The following SGIP1 variants were observed in gnomAD, a reference collection of about 807,000 sequenced individuals.
The protein encoded by SGIP1 is SH3-containing GRB2-like protein 3-interacting protein 1.
SGIP1 carries 38 observed loss-of-function variants against 107.5 expected under a neutral mutation model. The observed-to-expected ratio is 0.35, with a 90% CI of 0.27 to 0.46. SGIP1 has a LOEUF of 0.46. Among genes scored for constraint, SGIP1 ranks in the 20% least tolerant of loss-of-function variants. SGIP1 has a pLI of 1.00. For missense variants in SGIP1, 929 were observed against 1,019.5 expected, an observed-to-expected ratio of 0.91 and a Z score of 1.21; for synonymous variants, 365 against 366.1, an observed-to-expected ratio of 1.00 and a Z score of 0.03.
At chr1:66,591,233 C>T (rs1424791994) in intron 1 of SGIP1, among the ~76,000 whole-genome samples, 2 of 152,150 alleles carry the variant, frequency 1.3e-5, no homozygotes, top group South Asian at 2.1e-4. Context: ...ACCAACAATG[C>T]CATATTCCTG....
chr1:66,729,396 G>A lies in SGIP1; in HGVS notation c.1875G>A (p.Leu625=), dbSNP rs1286483075. 6.2e-7 allele frequency: 1 copy of A among 1,614,022 alleles called. No homozygotes were observed. The highest frequency in any genetic ancestry group is 2.2e-5 in the East Asian group (1 of 44,862). ...ATTTCAGCAGGTTAGAACACGTCCT[G>A]CCAAACCCCCAACTTCTCTGCTGGT... ...VINFSRLEHV[L]PNPQLLCCDN... Residue 625 remains leucine (L), a synonymous_variant, in exon 20 of 25, where the codon CTG becomes CTA. Transcript: ENST00000371037.
At chr1:66,660,896 G>T (rs550103211) in intron 8 of SGIP1, among the ~76,000 whole-genome samples, 3 of 152,266 alleles carry the variant, frequency 2.0e-5, no homozygotes, top group Admixed American at 2.0e-4. Context: ...GTTAATTTTT[G>T]ATTAGCGTAC....
At chr1:66,741,838 A>G (rs548129101) in intron 24 of SGIP1, among the ~76,000 whole-genome samples, 124 of 150,174 alleles carry the variant, frequency 8.3e-4, no homozygotes, top group African/African-American at 3.0e-3. Flanking sequence ...CGCGATCTCT[A>G]CTCACTGCAA....
chr1:66,633,973 G>A, intron 3 of SGIP1: 1 of 914,254 alleles, frequency 1.1e-6, no homozygotes, highest in Non-Finnish European at 1.7e-6. Context: ...AAGGTTCTTA[G>A]CTTTGGGGCG....
chr1:66,671,967 C>G lies in SGIP1; in HGVS notation c.532C>G (p.Arg178Gly), dbSNP rs561284431. The G allele has an allele frequency of 1.9e-6, 3 of 1,613,998 alleles. No individual in the cohort carries two copies. In the South Asian group the frequency reaches 3.3e-5, roughly 18 times the overall value. The change falls in exon 11 of 25, where the codon CGT (arginine) becomes GGT (glycine). Residue 178 changes from arginine to glycine, a missense_variant. Arg to Gly is a moderately radical substitution (Grantham distance 125). Around this residue, in one of 2 missense-constraint regions of SGIP1, gnomAD observed 588 missense variants for 588.6 expected, o/e 1.00. Transcript: ENST00000371037. ...LSSEEVARPR[R>G]STPTPELISK... Reference sequence around the variant, plus strand: ...AGGTGAAGAAGTGGCAAGACCCAGGCGTTCCACACCAACTCCAGAACTTAT... The same window carrying G: ...AGGTGAAGAAGTGGCAAGACCCAGGGGTTCCACACCAACTCCAGAACTTAT...
At chr1:66,735,814 G>T (rs1195942805) in intron 21 of SGIP1, among the ~76,000 whole-genome samples, 1 of 12,028 alleles carries the variant, frequency 8.3e-5, no homozygotes, top group East Asian at 4.5e-4. Flanking sequence ...GCGACAGAGC[G>T]AGACTCCGTC....
rs550465693 is a variant in SGIP1 at position 66,540,590 on chromosome 1, T to A, written c.10+6222T>A. ...AAGTATTTTTAAATAAATGAGTGAA[T>A]GTAAACGAGTGTAATGTTGTTCGGT... On this transcript the variant is annotated intron_variant, in intron 1 of 24. Transcript: ENST00000371037. 3.9e-5 allele frequency among the ~76,000 whole-genome samples: 6 copies of A among 152,216 alleles called. No individual in the cohort carries two copies. In the East Asian group the frequency reaches 1.2e-3, roughly 29 times the overall value.
intron 2 of SGIP1, among the ~76,000 whole-genome samples, chr1:66,630,528 C>A (rs907122856): frequency 6.6e-6 from 1 of 151,818 alleles, no homozygotes; most frequent in Non-Finnish European, 1.5e-5. Context: ...GTATATTGGC[C>A]AGGCACCGTG....
intron 21 of SGIP1, among the ~76,000 whole-genome samples, chr1:66,737,432 T>A (rs867855419): frequency 6.6e-6 from 1 of 152,144 alleles, no homozygotes; most frequent in Admixed American, 6.5e-5. Context: ...GTGGCTCATG[T>A]CTGTAATCCT....
At chr1:66,636,356 G>A (rs1215621305) in intron 4 of SGIP1, among the ~76,000 whole-genome samples, 1 of 152,190 alleles carries the variant, frequency 6.6e-6, no homozygotes, top group African/African-American at 2.4e-5. Context: ...CATAAATTGA[G>A]TAGTCATTTC....
chr1:66,631,100 A>AAAGAAAGAAAGAAAGAAAGAAAGAAAG (rs149222467), intron 2 of SGIP1, among the ~76,000 whole-genome samples: 1 of 131,250 alleles, frequency 7.6e-6, no homozygotes, highest in East Asian at 3.1e-4. Flanking sequence ...AGAAAGAAAG[A>AAAGAAAGAAAGAAAGAAAGAAAGAAAG]AAAAAAGAAA....
chr1:66,679,413 A>G (rs1004452694), intron 13 of SGIP1, among the ~76,000 whole-genome samples: 12 of 152,268 alleles, frequency 7.9e-5, no homozygotes, highest in African/African-American at 2.6e-4. Context: ...TGTGTGTTGA[A>G]TCATATTTAC....
chr1:66,647,994 T>A (rs1404837489), intron 7 of SGIP1, among the ~76,000 whole-genome samples: 1 of 152,310 alleles, frequency 6.6e-6, no homozygotes, highest in East Asian at 1.9e-4. Flanking sequence ...TTGGACTTAA[T>A]ACCTGTGATG....
chr1:66,733,587 T>A (rs1029271391), intron 20 of SGIP1, among the ~76,000 whole-genome samples, 161 bp from the exon 21 acceptor site: 4 of 152,180 alleles, frequency 2.6e-5, no homozygotes, highest in Non-Finnish European at 5.9e-5. Context: ...CAGAACTGTA[T>A]TTGTATGAAA....
chr1:66,667,473 C>A (rs2082833754), intron 8 of SGIP1, 57 bp from the exon 9 acceptor site: 5 of 1,544,358 alleles, frequency 3.2e-6, no homozygotes, highest in Non-Finnish European at 4.5e-6. Context: ...AGACTGTTGA[C>A]TGATCCATCA....
In SGIP1 at chr1:66,557,972, C is replaced by T. The variant is rs549560678; in HGVS notation, c.10+23604C>T. Among the ~76,000 whole-genome samples the T allele has an allele frequency of 9.2e-5, 14 of 152,220 alleles. 2 individuals are homozygous for T. Among genetic ancestry groups the T allele is most frequent in the African/African-American group, 3.4e-4 (14 of 41,554 alleles). On this transcript the variant is annotated intron_variant, in intron 1 of 24. Transcript: ENST00000371037. ...TTGCATGTCAGTTTGCCTGCTGGAG[C>T]ATGAGCTCTGCGAGGATGGGGAATG... is the stretch of plus-strand genomic sequence containing the variant.
chr1:66,737,047 T>C (rs1444528587), intron 21 of SGIP1, among the ~76,000 whole-genome samples: 1 of 152,302 alleles, frequency 6.6e-6, no homozygotes, highest in African/African-American at 2.4e-5. Flanking sequence ...ATTTAACTTC[T>C]TCCCAAAATA....
intron 1 of SGIP1, among the ~76,000 whole-genome samples, chr1:66,552,778 A>G (rs942851921): frequency 4.6e-5 from 7 of 152,168 alleles, no homozygotes; most frequent in Non-Finnish European, 7.4e-5. Context: ...CGCCTAATTA[A>G]TCTTCTTTTT....
chr1:66,682,493 G>A (rs1276572934), intron 15 of SGIP1, 124 bp downstream of exon 15: 1 of 1,220,254 alleles, frequency 8.2e-7, no homozygotes, highest in East Asian at 2.3e-5. Flanking sequence ...CCTCTAGTCT[G>A]GGTGTCCTGT....
Sources: gnomAD v4.1 joint callset for allele counts (sites outside exome capture counted in the v4.1 genomes callset) on GRCh38, gnomAD v4.1.1 for gene constraint, gnomAD v4.1.1 regional missense constraint, MANE v1.5 for transcripts, NCBI Gene and HGNC (gene_info 2026-07-23, HGNC 2026-07-21) for gene names.